Variants in NPSR1 observed in about 807,000 individuals in gnomAD.
NPSR1 encodes neuropeptide S receptor.
NPSR1 carries 48 observed loss-of-function variants against 46.9 expected under a neutral mutation model. The observed-to-expected ratio is 1.02, with a 90% CI of 0.81 to 1.30. NPSR1 has a LOEUF of 1.30. Among genes scored for constraint, NPSR1 ranks in the 50% most tolerant of loss-of-function variants. The pLI is 0.00. For synonymous variants in NPSR1, 176 were observed against 168.1 expected, an observed-to-expected ratio of 1.05 and a Z score of -0.36; for missense variants, 450 against 449.5, an observed-to-expected ratio of 1.00 and a Z score of -0.01.
intron 2 of NPSR1, among the ~76,000 whole-genome samples, chr7:34,741,685 A>C (rs1784948613): frequency 6.6e-6 from 1 of 152,192 alleles, no homozygotes; most frequent in South Asian, 2.1e-4. Flanking sequence ...TCCTTCAGGG[A>C]GCTGCCAGAC....
chr7:34,745,224 T>C (rs2128720963), intron 2 of NPSR1, among the ~76,000 whole-genome samples: 1 of 152,304 alleles, frequency 6.6e-6, no homozygotes, highest in Admixed American at 6.5e-5. Flanking sequence ...CAGTGGGATT[T>C]TTGTTGGACT....
At chr7:34,875,453 G>T (rs1176880798) in intron 8 of NPSR1, among the ~76,000 whole-genome samples, 1 of 152,208 alleles carries the variant, frequency 6.6e-6, no homozygotes, top group Admixed American at 6.5e-5. Flanking sequence ...TCAAGGGTCT[G>T]ATTCAAGGAA....
intron 8 of NPSR1, among the ~76,000 whole-genome samples, chr7:34,872,773 C>T (rs1791488481): frequency 6.6e-6 from 1 of 151,750 alleles, no homozygotes; most frequent in Admixed American, 6.6e-5. Context: ...ACAGGAAATA[C>T]TTCCCCCCAT....
In NPSR1 at chr7:34,834,467, C is replaced by A; in HGVS notation, c.757+7C>A. The A allele has an allele frequency of 6.3e-7, 1 of 1,597,644 alleles. No individual in the cohort carries two copies. The highest frequency in any genetic ancestry group is 8.6e-7 in the Non-Finnish European group (1 of 1,165,180). On this transcript the variant is annotated splice_region_variant and intron_variant, in intron 6 of 8. Transcript: ENST00000360581. ...GTGATTTCCAACTGCTCAGGTAAGT[C>A]TCTACTCTGCATGGCCCAATTCTTG... is the stretch of plus-strand genomic sequence containing the variant.
At chr7:34,786,798 C>A (rs1013441516) in intron 3 of NPSR1, among the ~76,000 whole-genome samples, 1 of 152,046 alleles carries the variant, frequency 6.6e-6, no homozygotes, top group Non-Finnish European at 1.5e-5. Context: ...GGAAAGGAAT[C>A]TTTTTTTCTG....
At chr7:34,805,696 A>G (rs1013648970) in intron 3 of NPSR1, among the ~76,000 whole-genome samples, 4 of 151,964 alleles carry the variant, frequency 2.6e-5, no homozygotes, top group Non-Finnish European at 5.9e-5. Flanking sequence ...AATGTTGGAC[A>G]TTATGAAAAT....
chr7:34,769,872 G>C (rs551666162), intron 2 of NPSR1, among the ~76,000 whole-genome samples: 4 of 152,300 alleles, frequency 2.6e-5, no homozygotes, highest in African/African-American at 7.2e-5. Context: ...GTAATACATG[G>C]AGGTGATTAA....
chr7:34,712,975 TGGG>T (rs970417531), intron 2 of NPSR1, among the ~76,000 whole-genome samples: 5 of 152,138 alleles, frequency 3.3e-5, no homozygotes, highest in African/African-American at 9.7e-5. Flanking sequence ...AAAATCTAAA[TGGG>T]GGGAAAAGTC....
intron 2 of NPSR1, among the ~76,000 whole-genome samples, chr7:34,691,971 A>G (rs902995675): frequency 6.6e-6 from 1 of 152,168 alleles, no homozygotes. Context: ...AAATGAATAA[A>G]TAAATAAAAA....
intron 1 of NPSR1, among the ~76,000 whole-genome samples, chr7:34,671,218 T>C (rs1792038702): frequency 6.6e-6 from 1 of 152,188 alleles, no homozygotes; most frequent in African/African-American, 2.4e-5. Context: ...AAGTTTTATA[T>C]ACACTCATAA....
chr7:34,750,670 A>G, intron 2 of NPSR1: 1 of 700,282 alleles, frequency 1.4e-6, no homozygotes, highest in Non-Finnish European at 2.7e-6. Flanking sequence ...CTGACAAAAA[A>G]GAACTGAAGA....
At chr7:34,843,541 G>A (rs765500102) in intron 6 of NPSR1, among the ~76,000 whole-genome samples, 3 of 152,162 alleles carry the variant, frequency 2.0e-5, no homozygotes, top group Non-Finnish European at 4.4e-5. Flanking sequence ...GCAGCATCTC[G>A]CTCATCTCAA....
chr7:34,773,174 C>T (rs559535586), intron 2 of NPSR1, among the ~76,000 whole-genome samples: 1 of 152,152 alleles, frequency 6.6e-6, no homozygotes, highest in African/African-American at 2.4e-5. Flanking sequence ...AGGGACCCAA[C>T]ACCATGAAGT....
intron 2 of NPSR1, among the ~76,000 whole-genome samples, chr7:34,702,556 T>C (rs1214078475): frequency 6.6e-6 from 1 of 152,186 alleles, no homozygotes; most frequent in Admixed American, 6.5e-5. Context: ...TCTTCCAGAG[T>C]GCTACGCTCT....
At chr7:34,753,048 C>T (rs1218597741) in intron 2 of NPSR1, among the ~76,000 whole-genome samples, 1 of 152,202 alleles carries the variant, frequency 6.6e-6, no homozygotes, top group African/African-American at 2.4e-5. Flanking sequence ...ATTCTCAGCA[C>T]ATAGCATTGT....
intron 4 of NPSR1, among the ~76,000 whole-genome samples, chr7:34,813,974 G>A (rs759387951): frequency 2.4e-4 from 37 of 152,214 alleles, no homozygotes; most frequent in Admixed American, 9.8e-4. Flanking sequence ...GCTCTGGTCT[G>A]CAGCTCCCAG....
At position 34,751,305 on chromosome 7, in the gene NPSR1, G is replaced by C. The variant is rs952941827; in HGVS notation, c.281-27157G>C. 92 of 989,084 alleles carry C rather than the reference G, an allele frequency of 9.3e-5. No homozygotes were observed. In the East Asian group the frequency reaches 2.2e-3, roughly 23 times the overall value. 61.3% of individuals were successfully genotyped at this position (989,084 alleles called of 1,614,324 possible). A position where few individuals can be genotyped will look rare whatever the true frequency, so the allele number is the denominator to read the frequency against. Reference sequence around the variant, plus strand: ...ACAGAAGATGAGGCTGGGAGTTGCAGAAAGTGGTACTGATCATGCAGAACT... The same window carrying C: ...ACAGAAGATGAGGCTGGGAGTTGCACAAAGTGGTACTGATCATGCAGAACT... On this transcript the variant is annotated intron_variant, in intron 2 of 8. Coordinates refer to ENST00000360581, the MANE Select transcript of NPSR1 (RefSeq NM_207172.2).
At chr7:34,853,832 GCGGGCCGC>G (rs952520832), downstream of NPSR1, among the ~76,000 whole-genome samples, 10 of 152,120 alleles carry the variant, frequency 6.6e-5, no homozygotes. Flanking sequence ...GGGTATGGTG[GCGGGCCGC>G]CTGTAATCTC....
intron 2 of NPSR1, among the ~76,000 whole-genome samples, chr7:34,691,067 C>T (rs1793225714): frequency 1.3e-5 from 2 of 152,140 alleles, no homozygotes; most frequent in Admixed American, 1.3e-4. Context: ...GATCAGGGGC[C>T]TATTTTTAGC....
Sources: gnomAD v4.1 joint callset for allele counts (sites outside exome capture counted in the v4.1 genomes callset) on GRCh38, gnomAD v4.1.1 for gene constraint, MANE v1.5 for transcripts, NCBI Gene and HGNC (gene_info 2026-07-23, HGNC 2026-07-21) for gene names.